The following CTNND2 variants were observed in gnomAD, a reference collection of about 807,000 sequenced individuals.
CTNND2 encodes catenin delta-2.
A neutral mutation model predicts 144.4 loss-of-function variants in CTNND2; 22 were observed. That is an observed-to-expected ratio of 0.15 (90% CI 0.11 to 0.22). The LOEUF (loss-of-function observed/expected upper bound fraction) is 0.22, where lower values mean the gene tolerates loss of function less well. Among genes scored for constraint, CTNND2 ranks in the 10% least tolerant of loss-of-function variants. The probability of loss-of-function intolerance (pLI) is 1.00; values close to 1 mark genes in which losing one functional copy is unlikely to be tolerated. For missense variants in CTNND2, 1,353 were observed against 1,618.8 expected (o/e 0.84, Z 2.82); for synonymous variants, 751 against 695.6 (o/e 1.08, Z -1.25).
At chr5:11,178,906 G>A (rs913468799) in intron 11 of CTNND2, among the ~76,000 whole-genome samples, 12 of 152,122 alleles carry the variant, frequency 7.9e-5, no homozygotes, top group Non-Finnish European at 1.5e-4. Context: ...TTATGATACT[G>A]TGGAACTACA....
At chr5:11,879,353 A>ATATATATG (rs1560959460) in intron 1 of CTNND2, among the ~76,000 whole-genome samples, 8 of 126,280 alleles carry the variant, frequency 6.3e-5, no homozygotes, top group Non-Finnish European at 1.0e-4. Flanking sequence ...ATATATATAT[A>ATATATATG]TATACATATA....
intron 1 of CTNND2, among the ~76,000 whole-genome samples, chr5:11,789,962 C>T (rs572859268): frequency 6.6e-6 from 1 of 152,136 alleles, no homozygotes; most frequent in Admixed American, 6.5e-5. Flanking sequence ...GCTGAGATGA[C>T]CAGAAAGCCT....
intron 1 of CTNND2, among the ~76,000 whole-genome samples, chr5:11,808,421 C>T (rs1444847148): frequency 6.6e-6 from 1 of 152,118 alleles, no homozygotes; most frequent in African/African-American, 2.4e-5. Flanking sequence ...ACAAGATCAA[C>T]CATTACTTAA....
chr5:11,806,953 T>G (rs1792038353), intron 1 of CTNND2, among the ~76,000 whole-genome samples: 1 of 152,068 alleles, frequency 6.6e-6, no homozygotes, highest in African/African-American at 2.4e-5. Flanking sequence ...CATAGGTGAT[T>G]CTCTTTTTCT....
At chr5:11,294,130 C>T (rs1331685731) in intron 9 of CTNND2, among the ~76,000 whole-genome samples, 1 of 150,462 alleles carries the variant, frequency 6.6e-6, no homozygotes, top group African/African-American at 2.4e-5. Flanking sequence ...GAGCATGAAT[C>T]CAGCCAGTGA....
intron 14 of CTNND2, among the ~76,000 whole-genome samples, chr5:11,099,675 C>G (rs142083847): frequency 3.9e-4 from 60 of 152,054 alleles, no homozygotes; most frequent in African/African-American, 1.3e-3. Flanking sequence ...TTCTATTACT[C>G]TTAACAATTT....
At chr5:11,381,977 AAAAACAAAACAAAAC>A (rs70949320) in intron 7 of CTNND2, among the ~76,000 whole-genome samples, 44 of 151,124 alleles carry the variant, frequency 2.9e-4, no homozygotes, top group African/African-American at 9.0e-4. Flanking sequence ...AAAAAAACAA[AAAAACAAAACAAAAC>A]AAAACAAAAC....
intron 1 of CTNND2, among the ~76,000 whole-genome samples, chr5:11,860,986 G>T (rs1221948171): frequency 6.6e-6 from 1 of 152,148 alleles, no homozygotes; most frequent in African/African-American, 2.4e-5. Context: ...TAAGTATTTT[G>T]AAGTGATCTT....
chr5:11,518,631 T>A (rs536906112), intron 3 of CTNND2, among the ~76,000 whole-genome samples: 70 of 152,274 alleles, frequency 4.6e-4, no homozygotes, highest in African/African-American at 1.4e-3. Context: ...TATCTTTTTT[T>A]AAAAAAATCT....
chr5:10,987,217 G>A (rs1181407744), intron 20 of CTNND2, among the ~76,000 whole-genome samples: 3 of 152,220 alleles, frequency 2.0e-5, no homozygotes, highest in African/African-American at 4.8e-5. Context: ...CTTCTTGGAG[G>A]AGGGCCATCC....
chr5:11,516,882 A>G (rs1561502608), intron 3 of CTNND2, among the ~76,000 whole-genome samples: 1 of 152,188 alleles, frequency 6.6e-6, no homozygotes, highest in African/African-American at 2.4e-5. Context: ...AACAATCTTA[A>G]AAAAGACTAA....
chr5:11,569,849 G>A (rs926055909), intron 2 of CTNND2, among the ~76,000 whole-genome samples: 5 of 152,108 alleles, frequency 3.3e-5, no homozygotes, highest in African/African-American at 9.7e-5. Flanking sequence ...CCTTTGGGAG[G>A]TGACTAGATG....
chr5:11,005,269 G>A (rs1042114510), intron 18 of CTNND2, among the ~76,000 whole-genome samples: 2 of 152,250 alleles, frequency 1.3e-5, no homozygotes, highest in African/African-American at 4.8e-5. Flanking sequence ...CAGCGTGGCT[G>A]AGGCAAAGCG....
chr5:11,258,068 A>C (rs1449964813), intron 9 of CTNND2, among the ~76,000 whole-genome samples: 1 of 152,198 alleles, frequency 6.6e-6, no homozygotes, highest in Non-Finnish European at 1.5e-5. Flanking sequence ...GATCCCTCTG[A>C]AAGTCAGATC....
chr5:11,445,978 T>C (rs1183934336), intron 3 of CTNND2, among the ~76,000 whole-genome samples: 2 of 152,180 alleles, frequency 1.3e-5, no homozygotes, highest in African/African-American at 4.8e-5. Flanking sequence ...TTTTTGTTTG[T>C]TTTTTGTTTT....
At chr5:11,265,325 A>T (rs1243517562) in intron 9 of CTNND2, among the ~76,000 whole-genome samples, 2 of 152,208 alleles carry the variant, frequency 1.3e-5, no homozygotes, top group Admixed American at 1.3e-4. Context: ...TGAAAGCTTG[A>T]TGTACATCTC....
intron 2 of CTNND2, among the ~76,000 whole-genome samples, chr5:11,611,246 C>T (rs548068163): frequency 3.9e-5 from 6 of 152,216 alleles, no homozygotes; most frequent in South Asian, 4.2e-4. Context: ...CCGGAGGCCT[C>T]GTAGCCAAGC....
At chr5:11,578,405 G>A (rs574929614) in intron 2 of CTNND2, among the ~76,000 whole-genome samples, 20 of 152,262 alleles carry the variant, frequency 1.3e-4, no homozygotes, top group African/African-American at 3.9e-4. Context: ...GCTCATGTCT[G>A]TAATCCTAGC....
At chr5:11,245,595 T>C (rs1209003797) in intron 9 of CTNND2, among the ~76,000 whole-genome samples, 1 of 152,158 alleles carries the variant, frequency 6.6e-6, no homozygotes, top group Non-Finnish European at 1.5e-5. Flanking sequence ...CCCTAGAACC[T>C]CTAAAGGGAG....
Sources: allele counts gnomAD v4.1 joint callset (sites outside exome capture counted in the v4.1 genomes callset), GRCh38; gene constraint gnomAD v4.1.1; transcripts MANE v1.5; gene names NCBI Gene and HGNC (gene_info 2026-07-23, HGNC 2026-07-21).